The following CDKAL1 variants were observed in gnomAD, a reference collection of about 807,000 sequenced individuals.
The protein encoded by CDKAL1 is threonylcarbamoyladenosine tRNA methylthiotransferase.
CDKAL1 carries 32 observed loss-of-function variants against 68.2 expected under a neutral mutation model. The ratio of observed to expected loss-of-function variants is 0.47; its 90% CI spans 0.35 to 0.63. The LOEUF (loss-of-function observed/expected upper bound fraction) is 0.63. Among genes scored for constraint, CDKAL1 ranks in the 30% least tolerant of loss-of-function variants. The pLI, the probability that CDKAL1 is intolerant of heterozygous loss-of-function variation, is 0.00. For synonymous variants in CDKAL1, 234 were observed against 244.3 expected (o/e 0.96, Z 0.39); for missense variants, 606 against 696.7 (o/e 0.87, Z 1.47).
At chr6:21,038,356 A>G (rs2150890260) in intron 11 of CDKAL1, among the ~76,000 whole-genome samples, 1 of 152,320 alleles carries the variant, frequency 6.6e-6, no homozygotes, top group Non-Finnish European at 1.5e-5. Context: ...AATGTGTGGG[A>G]TATGGAGCCC....
intron 13 of CDKAL1, among the ~76,000 whole-genome samples, chr6:21,138,697 A>G (rs1046427887): frequency 6.6e-6 from 1 of 152,192 alleles, no homozygotes; most frequent in Non-Finnish European, 1.5e-5. Flanking sequence ...GGAAATGCTG[A>G]ATTATTAAAT....
intron 9 of CDKAL1, among the ~76,000 whole-genome samples, chr6:20,915,377 C>G (rs567059622): frequency 6.6e-6 from 1 of 152,142 alleles, no homozygotes; most frequent in Non-Finnish European, 1.5e-5. Context: ...AGCAAGTCTG[C>G]AGGCTTGGGC....
chr6:21,101,488 CA>C lies in CDKAL1; in HGVS notation c.1237-6911del, dbSNP rs1420042220. On this transcript the variant is annotated intron_variant, in intron 12 of 15. Transcript: ENST00000274695. ...GGAGGTACAAAGCAGATACATGGCC[CA>C]AGACCAAACAGCTATTGTTTGCTAG... Among the ~76,000 whole-genome samples the C allele has an allele frequency of 6.6e-5, 10 of 152,248 alleles. No homozygotes were observed. In the South Asian group the frequency reaches 1.9e-3, roughly 28 times the overall value.
At chr6:21,166,558 C>A (rs1777162921) in intron 13 of CDKAL1, among the ~76,000 whole-genome samples, 2 of 152,140 alleles carry the variant, frequency 1.3e-5, no homozygotes, top group Non-Finnish European at 2.9e-5. Context: ...TTAATAACTT[C>A]TTGATAGGCC....
intron 5 of CDKAL1, among the ~76,000 whole-genome samples, chr6:20,696,501 C>T (rs1157731612): frequency 3.3e-5 from 5 of 152,180 alleles, no homozygotes; most frequent in African/African-American, 7.2e-5. Context: ...TTGTGTAAAA[C>T]TAGAATACAG....
chr6:20,866,959 G>A (rs1180207779), intron 9 of CDKAL1, among the ~76,000 whole-genome samples: 2 of 152,108 alleles, frequency 1.3e-5, no homozygotes, highest in Admixed American at 6.5e-5. Context: ...TAAAATTAAA[G>A]CAAGCTGTAT....
chr6:20,581,019 C>G (rs555592813), intron 4 of CDKAL1, among the ~76,000 whole-genome samples: 5 of 152,276 alleles, frequency 3.3e-5, no homozygotes, highest in Non-Finnish European at 4.4e-5. Flanking sequence ...GAACTCCCGA[C>G]CTCAGGTGAT....
intron 5 of CDKAL1, among the ~76,000 whole-genome samples, chr6:20,702,056 T>C (rs893277504): frequency 2.6e-5 from 4 of 152,134 alleles, no homozygotes; most frequent in African/African-American, 9.7e-5. Flanking sequence ...GGAGAAGAAA[T>C]GATCCTCTTC....
chr6:20,995,924 C>A (rs370220974), intron 10 of CDKAL1, among the ~76,000 whole-genome samples: 1 of 152,322 alleles, frequency 6.6e-6, no homozygotes, highest in South Asian at 2.1e-4. Flanking sequence ...TGAAAATCTG[C>A]GGTGTGCCAT....
intron 8 of CDKAL1, among the ~76,000 whole-genome samples, chr6:20,828,896 A>G (rs1320386833): frequency 6.6e-6 from 1 of 152,132 alleles, no homozygotes; most frequent in Admixed American, 6.5e-5. Context: ...TGTCTCTATG[A>G]ACTTGACTAC....
rs748786790 is a variant in CDKAL1 at position 21,230,921 on chromosome 6, C to T, written c.1622C>T (p.Ala541Val). Residue 541 changes from alanine (A) to valine (V), a missense_variant, in exon 16 of 16, where the codon GCG (alanine) becomes GTG (valine). Transcript: ENST00000274695. ...HTSAASQCDS[A>V]SSRMVLPMPR... The stretch of plus-strand genomic sequence containing the variant: ...TCTGCTGCATCTCAGTGTGACTCAG[C>T]GAGTTCCAGAATGGTGCTGCCCATG... 2.1e-5 allele frequency: 34 copies of T among 1,613,868 alleles called. No individual in the cohort carries two copies. Among genetic ancestry groups the T allele is most frequent in the South Asian group, 1.3e-4 (12 of 91,052 alleles).
intron 9 of CDKAL1, among the ~76,000 whole-genome samples, chr6:20,853,935 G>T (rs1561833182): frequency 6.6e-6 from 1 of 152,130 alleles, no homozygotes; most frequent in Non-Finnish European, 1.5e-5. Context: ...TGCTATTACC[G>T]CCCTAGATAG....
At position 20,955,599 on chromosome 6, in the gene CDKAL1, C is replaced by A; in HGVS notation, c.909+14C>A. The A allele has an allele frequency of 6.2e-7, 1 of 1,612,794 alleles. No homozygotes were observed. The highest frequency in any genetic ancestry group is 8.5e-7 in the Non-Finnish European group (1 of 1,179,172). The stretch of plus-strand genomic sequence containing the variant: ...GAGCATCTGGAGGTAAGGAAAAGCA[C>A]CCTATTTGCATGCTAACATAGACAC... On this transcript the variant is annotated intron_variant, in intron 10 of 15. Coordinates refer to ENST00000274695, the MANE Select transcript of CDKAL1 (RefSeq NM_017774.3).
At chr6:20,741,816 G>A (rs1474643001) in intron 6 of CDKAL1, among the ~76,000 whole-genome samples, 1 of 152,004 alleles carries the variant, frequency 6.6e-6, no homozygotes, top group East Asian at 1.9e-4. Context: ...ATTTCTCTGG[G>A]TATATACCCA....
intron 10 of CDKAL1, among the ~76,000 whole-genome samples, chr6:20,961,533 C>T (rs1002371018): frequency 6.6e-6 from 1 of 152,028 alleles, no homozygotes; most frequent in African/African-American, 2.4e-5. Flanking sequence ...TTCGGGAGGC[C>T]GAGGCGGGTG....
chr6:20,980,260 C>T (rs1029234681), intron 10 of CDKAL1, among the ~76,000 whole-genome samples: 13 of 149,912 alleles, frequency 8.7e-5, no homozygotes, highest in African/African-American at 2.2e-4. Flanking sequence ...TTTTTTGAGA[C>T]GCAGTCTCGT....
At chr6:21,116,921 CA>C (rs1422777170) in intron 13 of CDKAL1, among the ~76,000 whole-genome samples, 1 of 152,292 alleles carries the variant, frequency 6.6e-6, no homozygotes, top group East Asian at 1.9e-4. Context: ...AGCAAAGGGA[CA>C]AAGAGGAATG....
rs868855825 is a variant in CDKAL1 at position 21,010,069 on chromosome 6, A to G, written c.1055+9697A>G. Among the ~76,000 whole-genome samples the G allele has an allele frequency of 1.3e-4, 20 of 152,308 alleles. 1 individual carries two copies. Among genetic ancestry groups the G allele is most frequent in the African/African-American group, 4.6e-4 (19 of 41,564 alleles). ...AAATACTCTAATTTGATCATTACGC[A>G]TTGTGTGCATATATCAAAATACCAC... On this transcript the variant is annotated intron_variant, in intron 11 of 15. Coordinates refer to ENST00000274695, the MANE Select transcript of CDKAL1 (RefSeq NM_017774.3).
At chr6:21,019,118 T>G (rs1768496245) in intron 11 of CDKAL1, among the ~76,000 whole-genome samples, 1 of 151,982 alleles carries the variant, frequency 6.6e-6, no homozygotes, top group Non-Finnish European at 1.5e-5. Context: ...CTGGCTAATT[T>G]TTATATTTTT....
Sources: allele counts gnomAD v4.1 joint callset (sites outside exome capture counted in the v4.1 genomes callset), GRCh38; gene constraint gnomAD v4.1.1; transcripts MANE v1.5; gene names NCBI Gene and HGNC (gene_info 2026-07-23, HGNC 2026-07-21).